The following DNAH7 variants were observed in gnomAD, a reference collection of about 807,000 sequenced individuals.
The protein encoded by DNAH7 is dynein axonemal heavy chain 7, also known as axonemal beta dynein heavy chain 7.
A neutral mutation model predicts 444.6 loss-of-function variants in DNAH7; 397 were observed. The ratio of observed to expected loss-of-function variants is 0.89; its 90% CI spans 0.82 to 0.97. The LOEUF (loss-of-function observed/expected upper bound fraction) is 0.97. Ranked by LOEUF, DNAH7 falls within the 50% of genes least tolerant of loss-of-function variation. The probability of loss-of-function intolerance (pLI) is 0.00; values close to 1 mark genes in which losing one functional copy is unlikely to be tolerated. For synonymous variants in DNAH7, 1,636 were observed against 1,624.4 expected (o/e 1.01, Z -0.17); for missense variants, 4,902 against 4,800.8 (o/e 1.02, Z -0.62).
chr2:195,926,988 A>G (rs940841572), intron 21 of DNAH7, among the ~76,000 whole-genome samples: 1 of 152,136 alleles, frequency 6.6e-6, no homozygotes, highest in Non-Finnish European at 1.5e-5. Flanking sequence ...ACTCAGCCAT[A>G]TGCCTGTACA....
At chr2:195,892,550 T>G (rs999131850) in intron 30 of DNAH7, 3 of 152,018 alleles carry the variant, frequency 2.0e-5, no homozygotes, top group Admixed American at 6.6e-5. Context: ...AGTACGAAGA[T>G]TCCAGATACT....
chr2:196,009,610 G>A (rs775861829), intron 10 of DNAH7, among the ~76,000 whole-genome samples: 1 of 152,156 alleles, frequency 6.6e-6, no homozygotes, highest in Non-Finnish European at 1.5e-5. Flanking sequence ...TCTGGGCAAA[G>A]ATGTGTTGAG....
chr2:195,797,330 A>G (rs1696197687), intron 55 of DNAH7, among the ~76,000 whole-genome samples: 1 of 152,104 alleles, frequency 6.6e-6, no homozygotes, highest in African/African-American at 2.4e-5. Flanking sequence ...CTGCCCCTTT[A>G]GAAGAGGCCT....
At chr2:195,999,684 C>T (rs924909539) in intron 12 of DNAH7, among the ~76,000 whole-genome samples, 17 of 151,808 alleles carry the variant, frequency 1.1e-4, no homozygotes, top group Non-Finnish European at 1.5e-4. Flanking sequence ...CTATCAAAAA[C>T]GACTAGGCCT....
At position 196,020,574 on chromosome 2, in the gene DNAH7, G is replaced by T. The variant is rs193056596; in HGVS notation, c.744-1279C>A. Among the ~76,000 whole-genome samples the T allele has an allele frequency of 7.6e-4, 113 of 149,102 alleles. 2 individuals are homozygous for T. The highest frequency in any genetic ancestry group is 4.0e-3 in the Admixed American group (60 of 14,938). On this transcript the variant is annotated intron_variant, in intron 8 of 64. Coordinates refer to ENST00000312428, the MANE Select transcript of DNAH7 (RefSeq NM_018897.3). ...GGAAAATGGGTACATAACTTTTTTT[G>T]TGTGTGTGTGTGGAATGGGGAATAA... is the stretch of plus-strand genomic sequence containing the variant.
chr2:195,924,865 G>A (rs988278340), intron 22 of DNAH7, among the ~76,000 whole-genome samples: 2 of 152,088 alleles, frequency 1.3e-5, no homozygotes, highest in African/African-American at 4.8e-5. Context: ...AGTTAAAAAA[G>A]ACAAAAATAA....
At chr2:195,888,764 T>C in intron 32 of DNAH7, 35 bp downstream of exon 32, 2 of 1,581,264 alleles carry the variant, frequency 1.3e-6, no homozygotes, top group Non-Finnish European at 1.7e-6. Flanking sequence ...TAACATTTTA[T>C]AATTTATAAA....
Position 195,872,479 on chromosome 2 carries a change from T to G in DNAH7, c.6414-10A>C, listed in dbSNP as rs1382778115. ...ATCTGGAAATTTATAACTTAAAAAT[T>G]TTTTAAATAAAAAGAAAGGAAAATG... On this transcript the variant is annotated splice_polypyrimidine_tract_variant and intron_variant, in intron 39 of 64. Coordinates refer to ENST00000312428, the MANE Select transcript of DNAH7 (RefSeq NM_018897.3). 1 of 1,552,584 alleles carries G rather than the reference T, an allele frequency of 6.4e-7. No homozygotes were observed.
chr2:195,767,961 T>C (rs1397451135), intron 61 of DNAH7, among the ~76,000 whole-genome samples: 1 of 151,778 alleles, frequency 6.6e-6, no homozygotes, highest in Non-Finnish European at 1.5e-5. Flanking sequence ...ACTGGAATGA[T>C]TGAAAAAATT....
intron 1 of DNAH7, among the ~76,000 whole-genome samples, chr2:196,058,429 G>A (rs886340296): frequency 2.6e-5 from 4 of 152,270 alleles, no homozygotes; most frequent in East Asian, 1.9e-4. Context: ...TGGAAGCTCC[G>A]CACCCAGGAC....
chr2:195,907,032 A>G (rs1687069639), intron 25 of DNAH7, 23 bp from the exon 26 acceptor site: 2 of 1,586,828 alleles, frequency 1.3e-6, no homozygotes, highest in Non-Finnish European at 1.7e-6. Flanking sequence ...AGTAATGAAA[A>G]TTTTTGACTT....
rs560728529 is a variant in DNAH7, at chr2:195,864,962, G to A, written c.6693C>T (p.Asn2231=). The change falls in exon 41 of 65, where the codon AAC becomes AAT. Residue 2231 remains asparagine, a synonymous_variant. Coordinates refer to ENST00000312428, the MANE Select transcript of DNAH7 (RefSeq NM_018897.3). ...AGTTTCTCAAAATTTCTTGAATGTA[G>A]TTGATGAGCCAGCTTCTGTCTGTAT... ...LDNTDRSWLI[N]YIQEILRNYM... 1.0e-5 allele frequency: 16 copies of A among 1,607,646 alleles called. No individual in the cohort carries two copies. The South Asian group carries it at 1.8e-4, about 18-fold the overall frequency.
chr2:195,910,119 T>C lies in DNAH7; in HGVS notation c.4012A>G (p.Thr1338Ala), dbSNP rs1284373208. 1.2e-6 allele frequency: 2 copies of C among 1,613,786 alleles called. No individual in the cohort carries two copies. Among genetic ancestry groups the C allele is most frequent in the Non-Finnish European group, 1.7e-6 (2 of 1,179,878 alleles). Residue 1338 changes from threonine (T) to alanine (A), a missense_variant, in exon 25 of 65, where the codon ACC becomes GCC. Transcript: ENST00000312428. ...GPAGTGKTET[T>A]KDLAKAVAKQ... Reference sequence around the variant, plus strand: ...GCTACAGCTTTTGCCAAATCCTTGGTAGTTTCAGTCTTCCCAGTGCCAGCT... The same window carrying C: ...GCTACAGCTTTTGCCAAATCCTTGGCAGTTTCAGTCTTCCCAGTGCCAGCT...
intron 57 of DNAH7, among the ~76,000 whole-genome samples, chr2:195,793,625 G>C (rs1369785935): frequency 6.6e-6 from 1 of 152,070 alleles, no homozygotes; most frequent in Non-Finnish European, 1.5e-5. Context: ...TTATTTTTTA[G>C]TACCCAAGAC....
Position 195,972,483 on chromosome 2 carries a change from A to G in DNAH7, c.1834-17T>C. On this transcript the variant is annotated splice_polypyrimidine_tract_variant and intron_variant, in intron 15 of 64. Coordinates refer to ENST00000312428, the MANE Select transcript of DNAH7 (RefSeq NM_018897.3). ...AATGTAAGCCTGAGGGAAAACAAAA[A>G]TTACAGGTGACATTTTAACGAACAG... The G allele has an allele frequency of 2.5e-6, 4 of 1,587,986 alleles. No individual in the cohort carries two copies. The highest frequency in any genetic ancestry group is 3.5e-6 in the Non-Finnish European group (4 of 1,156,468).
At chr2:195,883,969 A>C (rs1202693375) in intron 35 of DNAH7, among the ~76,000 whole-genome samples, 1 of 152,240 alleles carries the variant, frequency 6.6e-6, no homozygotes, top group Non-Finnish European at 1.5e-5. Flanking sequence ...AAGAAACATT[A>C]GTGAAAGGGA....
intron 5 of DNAH7, among the ~76,000 whole-genome samples, chr2:196,045,938 A>G (rs1204544740): frequency 6.6e-6 from 1 of 152,132 alleles, no homozygotes; most frequent in African/African-American, 2.4e-5. Flanking sequence ...GGATTAAACA[A>G]GCTATTAAAG....
intron 49 of DNAH7, among the ~76,000 whole-genome samples, chr2:195,819,557 G>A (rs1008534493): frequency 6.6e-6 from 1 of 152,100 alleles, no homozygotes; most frequent in Non-Finnish European, 1.5e-5. Context: ...ATATAAAGAA[G>A]AGTAAGATAC....
chr2:196,064,900 G>C (rs1698339299), intron 1 of DNAH7, among the ~76,000 whole-genome samples: 1 of 152,008 alleles, frequency 6.6e-6, no homozygotes, highest in Admixed American at 6.5e-5. Flanking sequence ...CCTTGGGCAT[G>C]TATTTTAGTA....
Sources: allele counts gnomAD v4.1 joint callset (sites outside exome capture counted in the v4.1 genomes callset), GRCh38; gene constraint gnomAD v4.1.1; transcripts MANE v1.5; gene names NCBI Gene and HGNC (gene_info 2026-07-23, HGNC 2026-07-21).